Variants in MAF observed in about 807,000 individuals in gnomAD.
The protein encoded by MAF is transcription factor Maf.
A neutral mutation model predicts 22.0 loss-of-function variants in MAF; 10 were observed. The ratio of observed to expected loss-of-function variants is 0.45; its 90% CI spans 0.28 to 0.77. MAF has a LOEUF of 0.77. MAF is among the 30% of genes least tolerant of loss of function. The pLI, the probability that MAF is intolerant of heterozygous loss-of-function variation, is 0.12. For synonymous variants in MAF, 337 were observed against 255.8 expected, an observed-to-expected ratio of 1.32 and a Z score of -3.03; for missense variants, 544 against 548.4, an observed-to-expected ratio of 0.99 and a Z score of 0.08.
At chr16:79,408,089 A>AC in the MAF span, among the ~76,000 whole-genome samples, 10 of 149,334 alleles carry the variant, frequency 6.7e-5, no homozygotes, top group Admixed American at 5.3e-4. Context: ...AAAAAAAAAA[A>AC]AAAAAAAAAA....
the MAF span, among the ~76,000 whole-genome samples, chr16:79,284,780 G>A: frequency 3.9e-5 from 6 of 152,068 alleles, no homozygotes; most frequent in Admixed American, 1.3e-4. Context: ...GGCACTATGA[G>A]GGCTCAACCT....
chr16:79,282,932 A>C, the MAF span, among the ~76,000 whole-genome samples: 1 of 152,220 alleles, frequency 6.6e-6, no homozygotes, highest in African/African-American at 2.4e-5. Context: ...GCATGTTTCA[A>C]ACCCATGAAG....
At chr16:79,551,503 G>A in the MAF span, among the ~76,000 whole-genome samples, 1 of 152,172 alleles carries the variant, frequency 6.6e-6, no homozygotes, top group Non-Finnish European at 1.5e-5. Flanking sequence ...AATTACAAGT[G>A]AGAAAGACGT....
At chr16:79,576,631 G>A in the MAF span, among the ~76,000 whole-genome samples, 1 of 151,976 alleles carries the variant, frequency 6.6e-6, no homozygotes, top group African/African-American at 2.4e-5. Flanking sequence ...AACTTAAAGT[G>A]TAGGAGGGAA....
chr16:79,535,552 A>G, the MAF span, among the ~76,000 whole-genome samples: 3 of 151,488 alleles, frequency 2.0e-5, no homozygotes, highest in Non-Finnish European at 4.4e-5. Context: ...CATTATTCAT[A>G]AAGGACTGAA....
At chr16:79,524,331 G>T in the MAF span, among the ~76,000 whole-genome samples, 1 of 152,198 alleles carries the variant, frequency 6.6e-6, no homozygotes, top group African/African-American at 2.4e-5. Context: ...CTCTCTTAAG[G>T]ATAACGCCTT....
chr16:79,404,989 C>T, the MAF span, among the ~76,000 whole-genome samples: 1 of 152,192 alleles, frequency 6.6e-6, no homozygotes, highest in South Asian at 2.1e-4. Context: ...TAGTACCGAA[C>T]CACACAGGTG....
the MAF span, among the ~76,000 whole-genome samples, chr16:79,556,422 G>C: frequency 6.6e-6 from 1 of 152,198 alleles, no homozygotes; most frequent in Non-Finnish European, 1.5e-5. Flanking sequence ...TGTAGAAAGA[G>C]AGTTGTATTG....
the MAF span, among the ~76,000 whole-genome samples, chr16:79,239,066 GT>G: frequency 6.6e-6 from 1 of 152,026 alleles, no homozygotes; most frequent in Non-Finnish European, 1.5e-5. Context: ...CACTCCCACT[GT>G]TGTAGTTTGC....
At chr16:79,220,517 T>G in the MAF span, among the ~76,000 whole-genome samples, 4 of 152,208 alleles carry the variant, frequency 2.6e-5, no homozygotes, top group African/African-American at 9.7e-5. Flanking sequence ...AATGCCTTTA[T>G]GATCCTGTAT....
the MAF span, among the ~76,000 whole-genome samples, chr16:79,305,420 G>A: frequency 1.3e-5 from 2 of 152,204 alleles, no homozygotes; most frequent in African/African-American, 4.8e-5. Flanking sequence ...GGAGCAAAGT[G>A]CTGGATGCTT....
chr16:79,543,260 G>A, the MAF span, among the ~76,000 whole-genome samples: 1 of 152,206 alleles, frequency 6.6e-6, no homozygotes, highest in Admixed American at 6.5e-5. Context: ...CCAGTATCTT[G>A]GAGACAGGCA....
At chr16:79,408,275 T>A in the MAF span, among the ~76,000 whole-genome samples, 2 of 152,010 alleles carry the variant, frequency 1.3e-5, no homozygotes, top group South Asian at 4.2e-4. Flanking sequence ...CTCCCGGGTT[T>A]AAGAAATTCT....
At chr16:79,431,350 C>A in the MAF span, among the ~76,000 whole-genome samples, 3 of 152,216 alleles carry the variant, frequency 2.0e-5, no homozygotes, top group Admixed American at 6.5e-5. Context: ...TTGAATTCCA[C>A]TTAGACCATA....
the MAF span, among the ~76,000 whole-genome samples, chr16:79,226,804 A>G: frequency 2.0e-5 from 3 of 152,082 alleles, no homozygotes; most frequent in Admixed American, 1.3e-4. Flanking sequence ...ATTTAGAAAA[A>G]TGATGACAAA....
chr16:79,303,433 G>GGCTC, the MAF span, among the ~76,000 whole-genome samples: 1 of 152,068 alleles, frequency 6.6e-6, no homozygotes, highest in Non-Finnish European at 1.5e-5. Context: ...GGAAGCACGG[G>GGCTC]GCTCTCAACA....
At chr16:79,241,913 T>G in the MAF span, among the ~76,000 whole-genome samples, 1 of 152,030 alleles carries the variant, frequency 6.6e-6, no homozygotes, top group African/African-American at 2.4e-5. Context: ...AAAAGAATTT[T>G]CAACCCAGAA....
At chr16:79,581,382 A>C (rs1051856284), downstream of MAF, among the ~76,000 whole-genome samples, 1 of 152,198 alleles carries the variant, frequency 6.6e-6, no homozygotes, top group East Asian at 1.9e-4. Context: ...AAAGGTCTCT[A>C]TTTTGATTAA....
the MAF span, among the ~76,000 whole-genome samples, chr16:79,491,335 A>G: frequency 6.6e-6 from 1 of 152,176 alleles, no homozygotes; most frequent in African/African-American, 2.4e-5. Context: ...CAGAACTTAG[A>G]TGTGGATAGA....
Sources: allele counts gnomAD v4.1 joint callset (sites outside exome capture counted in the v4.1 genomes callset), GRCh38; gene constraint gnomAD v4.1.1; transcripts MANE v1.5; gene names NCBI Gene and HGNC (gene_info 2026-07-23, HGNC 2026-07-21).